The following MMP26 variants were observed in gnomAD, a reference collection of about 807,000 sequenced individuals.
The protein encoded by MMP26 is matrix metallopeptidase 26, also known as matrix metalloproteinase-26.
Under a neutral mutation model 31.0 loss-of-function variants are expected in MMP26, and 33 were observed. That is an observed-to-expected ratio of 1.06 (90% CI 0.81 to 1.42). The LOEUF (loss-of-function observed/expected upper bound fraction) is 1.42. Among genes scored for constraint, MMP26 ranks in the 40% most tolerant of loss-of-function variants. MMP26 has a pLI of 0.00. For missense variants in MMP26, 347 were observed against 316.1 expected (o/e 1.10, Z -0.74); for synonymous variants, 122 against 114.9 (o/e 1.06, Z -0.40).
intron 1 of MMP26, chr11:4,723,265 G>C (rs752994473): frequency 3.5e-6 from 4 of 1,136,682 alleles, no homozygotes; most frequent in Non-Finnish European, 5.3e-6. Flanking sequence ...TCATCTTGCA[G>C]ATCTCAGTCT....
chr11:4,874,565 GGT>G (rs35692032), intron 2 of MMP26, among the ~76,000 whole-genome samples: 144 of 149,080 alleles, frequency 9.7e-4, no homozygotes, highest in African/African-American at 3.1e-3. Flanking sequence ...GTGGTGTGTT[GGT>G]GTGTGTGTGT....
At chr11:4,783,618 A>C (rs1331956624) in intron 2 of MMP26, among the ~76,000 whole-genome samples, 2 of 152,166 alleles carry the variant, frequency 1.3e-5, no homozygotes, top group African/African-American at 4.8e-5. Flanking sequence ...AGTGAGATTT[A>C]GGAGGGGCCA....
At chr11:4,965,035 T>G (rs1352415685) in intron 2 of MMP26, among the ~76,000 whole-genome samples, 3 of 152,208 alleles carry the variant, frequency 2.0e-5, no homozygotes, top group Non-Finnish European at 4.4e-5. Context: ...CATTTACCTA[T>G]GTAACAAACC....
chr11:4,733,072 G>T (rs1009503326), intron 1 of MMP26, among the ~76,000 whole-genome samples: 2 of 152,182 alleles, frequency 1.3e-5, no homozygotes, highest in Non-Finnish European at 2.9e-5. Flanking sequence ...AATAAATTTT[G>T]ATATTAGTAA....
chr11:4,839,763 C>T (rs1045699819), intron 2 of MMP26, among the ~76,000 whole-genome samples: 26 of 151,580 alleles, frequency 1.7e-4, no homozygotes, highest in African/African-American at 6.1e-4. Context: ...AGCACATTAC[C>T]AGCTGTGCTG....
At chr11:4,800,198 TC>T (rs1250750233) in intron 2 of MMP26, among the ~76,000 whole-genome samples, 4 of 152,210 alleles carry the variant, frequency 2.6e-5, no homozygotes, top group Non-Finnish European at 4.4e-5. Context: ...TTAGTGTTCT[TC>T]CCCTGCAGCA....
intron 2 of MMP26, among the ~76,000 whole-genome samples, chr11:4,852,427 G>A (rs1020595629): frequency 1.3e-5 from 2 of 152,118 alleles, no homozygotes; most frequent in South Asian, 2.1e-4. Context: ...TCTGTGTGAA[G>A]AACTGTAGGC....
chr11:4,758,146 C>A (rs1232299798), intron 1 of MMP26, among the ~76,000 whole-genome samples: 1 of 152,024 alleles, frequency 6.6e-6, no homozygotes, highest in African/African-American at 2.4e-5. Context: ...TGTGAAATAT[C>A]CATAGGCTAA....
intron 2 of MMP26, among the ~76,000 whole-genome samples, chr11:4,826,857 A>G (rs1386626489): frequency 6.6e-6 from 1 of 152,154 alleles, no homozygotes; most frequent in East Asian, 1.9e-4. Flanking sequence ...CTGAAGCCTT[A>G]TCAAATACGT....
At chr11:4,912,074 G>A (rs1851000051) in intron 2 of MMP26, among the ~76,000 whole-genome samples, 2 of 151,904 alleles carry the variant, frequency 1.3e-5, no homozygotes, top group Admixed American at 1.3e-4. Context: ...CTTCTTTGTG[G>A]TTTTTCGTCT....
At chr11:4,813,013 A>ATG (rs1378255559) in intron 2 of MMP26, among the ~76,000 whole-genome samples, 7 of 143,454 alleles carry the variant, frequency 4.9e-5, no homozygotes, top group African/African-American at 2.0e-4. Flanking sequence ...GTGTGTGTGT[A>ATG]TGTATATATA....
At chr11:4,824,777 C>T (rs1008497560) in intron 2 of MMP26, among the ~76,000 whole-genome samples, 3 of 152,120 alleles carry the variant, frequency 2.0e-5, no homozygotes, top group Non-Finnish European at 4.4e-5. Flanking sequence ...CTCAGTAGTG[C>T]ATTAGCACAG....
chr11:4,790,300 G>C (rs558260257), intron 2 of MMP26, among the ~76,000 whole-genome samples: 1 of 152,100 alleles, frequency 6.6e-6, no homozygotes, highest in Non-Finnish European at 1.5e-5. Context: ...CCAAGATTGC[G>C]CCATTGCCAT....
rs376089149 is a variant in MMP26, at chr11:4,742,263, A to C, written c.-216-25007A>C. On this transcript the variant is annotated intron_variant, in intron 1 of 7. Coordinates refer to ENST00000380390, the MANE Select transcript of MMP26 (RefSeq NM_021801.5). ...CTGACCTCATCATGAGTAGTTGACT[A>C]GAGGACAAAGACAAGTATAGTGGAA... Among the ~76,000 whole-genome samples, 3 of 152,336 alleles carry C rather than the reference A, an allele frequency of 2.0e-5. No homozygotes were observed. The South Asian group carries it at 6.2e-4, about 32-fold the overall frequency.
chr11:4,824,499 T>C (rs1453774757), intron 2 of MMP26, among the ~76,000 whole-genome samples: 5 of 152,166 alleles, frequency 3.3e-5, no homozygotes, highest in South Asian at 4.1e-4. Flanking sequence ...TTCATTGTTA[T>C]GTGTAGCCTA....
At chr11:4,937,156 G>C (rs1376782499) in intron 2 of MMP26, among the ~76,000 whole-genome samples, 1 of 152,150 alleles carries the variant, frequency 6.6e-6, no homozygotes, top group Non-Finnish European at 1.5e-5. Context: ...TAGAATCAGA[G>C]AGCTGAAGTA....
rs144858801 is a variant in MMP26, at chr11:4,792,368, C to T, written c.-145+25027C>T. ...CGGGCCTAAGTACAAAACACCCTATCGCCCTCCCTCCAGCCCCTAACAAAC... is the reference window on the plus strand; with the variant it reads ...CGGGCCTAAGTACAAAACACCCTATTGCCCTCCCTCCAGCCCCTAACAAAC... On this transcript the variant is annotated intron_variant, in intron 2 of 7. Coordinates refer to ENST00000380390, the MANE Select transcript of MMP26 (RefSeq NM_021801.5). Among the ~76,000 whole-genome samples, 7 of 152,238 alleles carry T rather than the reference C, an allele frequency of 4.6e-5. No individual in the cohort carries two copies. The East Asian group carries it at 5.8e-4, about 13-fold the overall frequency.
chr11:4,769,873 CAAG>C, intron 2 of MMP26: 1 of 1,613,182 alleles, frequency 6.2e-7, no homozygotes, highest in Non-Finnish European at 8.5e-7. Flanking sequence ...TGCCGGTCAA[CAAG>C]AAGGTTGGAA....
chr11:4,923,657 A>G, intron 2 of MMP26: 1 of 1,614,008 alleles, frequency 6.2e-7, no homozygotes, highest in Non-Finnish European at 8.5e-7. Context: ...GGCAATGCTG[A>G]GCACGGTGCG....
Sources: gnomAD v4.1 joint callset for allele counts (sites outside exome capture counted in the v4.1 genomes callset) on GRCh38, gnomAD v4.1.1 for gene constraint, MANE v1.5 for transcripts, NCBI Gene and HGNC (gene_info 2026-07-23, HGNC 2026-07-21) for gene names.